Variants in ELAPOR2 observed in about 807,000 individuals in gnomAD.
ELAPOR2 encodes the protein endosome-lysosome associated apoptosis and autophagy regulator family member 2.
In ELAPOR2, 89 loss-of-function variants were observed where a neutral mutation model predicts 120.7. That is an observed-to-expected ratio of 0.74 (90% CI 0.62 to 0.88). The LOEUF (loss-of-function observed/expected upper bound fraction) is 0.88, where lower values mean the gene tolerates loss of function less well. Ranked by LOEUF, ELAPOR2 falls within the 40% of genes least tolerant of loss-of-function variation. The pLI, the probability that ELAPOR2 is intolerant of heterozygous loss-of-function variation, is 0.00. For missense variants in ELAPOR2, 1,134 were observed against 1,251.6 expected (o/e 0.91, Z 1.42); for synonymous variants, 444 against 444.9 (o/e 1.00, Z 0.03).
intron 8 of ELAPOR2, among the ~76,000 whole-genome samples, chr7:86,931,306 T>C (rs2116269996): frequency 6.6e-6 from 1 of 151,992 alleles, no homozygotes; most frequent in South Asian, 2.1e-4. Flanking sequence ...CTTGTGGTAT[T>C]AACACTACCG....
chr7:86,924,406 C>T (rs551545154), intron 10 of ELAPOR2, among the ~76,000 whole-genome samples: 2 of 150,576 alleles, frequency 1.3e-5, no homozygotes, highest in Non-Finnish European at 3.0e-5. Context: ...CACACACACA[C>T]AAATGTATTA....
At chr7:87,000,677 T>C (rs1793288584) in intron 1 of ELAPOR2, among the ~76,000 whole-genome samples, 1 of 152,212 alleles carries the variant, frequency 6.6e-6, no homozygotes, top group Non-Finnish European at 1.5e-5. Flanking sequence ...AGCTTCAGTT[T>C]GTTAAATACA....
At chr7:86,958,649 T>G (rs1280370740) in intron 2 of ELAPOR2, among the ~76,000 whole-genome samples, 1 of 152,134 alleles carries the variant, frequency 6.6e-6, no homozygotes, top group Non-Finnish European at 1.5e-5. Context: ...GCTGCTCCAC[T>G]TGGCACCTTC....
intron 12 of ELAPOR2, 107 bp downstream of exon 12, chr7:86,918,323 CAAAAAAAAAAAA>C (rs370415220): frequency 5.7e-5 from 10 of 173,944 alleles, no homozygotes; most frequent in African/African-American, 1.6e-4. Flanking sequence ...CTAAGAATAG[CAAAAAAAAAAAA>C]AAAAAAAAAA....
At chr7:86,945,431 A>C (rs968382168) in intron 3 of ELAPOR2, among the ~76,000 whole-genome samples, 1 of 152,202 alleles carries the variant, frequency 6.6e-6, no homozygotes, top group Non-Finnish European at 1.5e-5. Flanking sequence ...ATTAATGATA[A>C]ATACGTAGAT....
At chr7:86,943,738 A>T (rs761424646) in intron 4 of ELAPOR2, among the ~76,000 whole-genome samples, 8 of 152,030 alleles carry the variant, frequency 5.3e-5, no homozygotes, top group Admixed American at 3.3e-4. Flanking sequence ...AAAAGTATCC[A>T]ATGAAACAGG....
At chr7:86,960,357 T>C (rs1791655374) in intron 2 of ELAPOR2, among the ~76,000 whole-genome samples, 1 of 152,146 alleles carries the variant, frequency 6.6e-6, no homozygotes, top group Non-Finnish European at 1.5e-5. Flanking sequence ...TTCAAGCGAT[T>C]CTCCTGCCTC....
chr7:86,922,407 A>G (rs1430434845), intron 10 of ELAPOR2, among the ~76,000 whole-genome samples: 4 of 151,866 alleles, frequency 2.6e-5, no homozygotes, highest in African/African-American at 9.6e-5. Flanking sequence ...TATCATAAAA[A>G]TTTTAAATTT....
chr7:86,887,496 C>T (rs560987544), intron 21 of ELAPOR2, among the ~76,000 whole-genome samples: 2 of 152,032 alleles, frequency 1.3e-5, no homozygotes, highest in African/African-American at 4.8e-5. Context: ...TATGGTGTTG[C>T]TATTCCAGTC....
chr7:86,965,926 G>C (rs547562357), intron 1 of ELAPOR2: 1 of 985,064 alleles, frequency 1.0e-6, no homozygotes, highest in Non-Finnish European at 1.2e-6. Context: ...ATCACCATGC[G>C]GACATCAGGA....
At chr7:86,973,728 T>C (rs959091439) in intron 1 of ELAPOR2, among the ~76,000 whole-genome samples, 15 of 152,096 alleles carry the variant, frequency 9.9e-5, no homozygotes, top group East Asian at 3.9e-4. Flanking sequence ...TTCAAAGTCA[T>C]GTTAGCAGAG....
At chr7:86,885,763 T>A (rs1053130799) in intron 21 of ELAPOR2, among the ~76,000 whole-genome samples, 2 of 152,040 alleles carry the variant, frequency 1.3e-5, no homozygotes, top group African/African-American at 4.8e-5. Flanking sequence ...AAAGGGAAAA[T>A]AATGTGATCT....
chr7:87,000,310 A>T (rs1346905912), intron 1 of ELAPOR2, among the ~76,000 whole-genome samples: 1 of 152,092 alleles, frequency 6.6e-6, no homozygotes, highest in Non-Finnish European at 1.5e-5. Flanking sequence ...CCTGCTCTCA[A>T]ACCATAGACT....
chr7:86,995,022 C>G (rs77171852), intron 1 of ELAPOR2, among the ~76,000 whole-genome samples: 2,722 of 152,252 alleles, frequency 0.018, 80 homozygotes, highest in African/African-American at 0.063. Context: ...GATTCAGTGG[C>G]CCACAGATGT....
At chr7:86,974,580 A>AGT (rs35712048) in intron 1 of ELAPOR2, among the ~76,000 whole-genome samples, 17,476 of 138,626 alleles carry the variant, frequency 0.13, 1,266 homozygotes, top group South Asian at 0.25. Flanking sequence ...GAACCCCTGT[A>AGT]GTGTGTGTGT....
At chr7:86,905,182 AAGAGAGAGAGAG>A (rs147886977) in intron 18 of ELAPOR2, among the ~76,000 whole-genome samples, 1 of 143,360 alleles carries the variant, frequency 7.0e-6, no homozygotes, top group Non-Finnish European at 1.5e-5. Context: ...GAAAGAGAGA[AAGAGAGAGAGAG>A]AGAGAGAGAG....
chr7:87,004,421 G>T (rs1793409433), intron 1 of ELAPOR2, among the ~76,000 whole-genome samples: 1 of 152,168 alleles, frequency 6.6e-6, no homozygotes, highest in Admixed American at 6.5e-5. Context: ...CCTTACAAAA[G>T]AAGCTAATAC....
intron 8 of ELAPOR2, among the ~76,000 whole-genome samples, chr7:86,934,148 G>A (rs1259413462): frequency 2.0e-5 from 3 of 151,696 alleles, no homozygotes; most frequent in African/African-American, 4.8e-5. Context: ...ATTCAAGTAA[G>A]CCACATTTAG....
intron 1 of ELAPOR2, among the ~76,000 whole-genome samples, chr7:87,058,704 T>A (rs1454261030): frequency 6.6e-6 from 1 of 152,176 alleles, no homozygotes; most frequent in African/African-American, 2.4e-5. Context: ...CTTTTCTAAT[T>A]TTCTCCATCA....
Sources: gnomAD v4.1 joint callset for allele counts (sites outside exome capture counted in the v4.1 genomes callset) on GRCh38, gnomAD v4.1.1 for gene constraint, MANE v1.5 for transcripts, NCBI Gene and HGNC (gene_info 2026-07-23, HGNC 2026-07-21) for gene names.